RBMS3: variants seen among roughly 807,000 people sequenced by gnomAD.
RBMS3 encodes the protein RNA binding motif single stranded interacting protein 3, also known as RNA-binding motif, single-stranded-interacting protein 3.
A neutral mutation model predicts 66.8 loss-of-function variants in RBMS3; 27 were observed. The ratio of observed to expected loss-of-function variants is 0.40; its 90% CI spans 0.30 to 0.56. The LOEUF (loss-of-function observed/expected upper bound fraction) is 0.56, where lower values mean the gene tolerates loss of function less well. RBMS3 is among the 20% of genes least tolerant of loss of function. The pLI is 0.40. For missense variants in RBMS3, 513 were observed against 549.5 expected, an observed-to-expected ratio of 0.93 and a Z score of 0.66; for synonymous variants, 188 against 183.0, an observed-to-expected ratio of 1.03 and a Z score of -0.22.
chr3:29,751,220 T>G (rs138751918), intron 5 of RBMS3, among the ~76,000 whole-genome samples: 43 of 152,318 alleles, frequency 2.8e-4, no homozygotes, highest in African/African-American at 9.9e-4. Context: ...AAAATTCTTG[T>G]TCTAAGGAGA....
chr3:29,588,070 G>T (rs192660758), intron 4 of RBMS3, among the ~76,000 whole-genome samples: 281 of 151,752 alleles, frequency 1.9e-3, no homozygotes, highest in African/African-American at 6.6e-3. Context: ...CCTCATGAAG[G>T]GTACATAGGC....
chr3:29,883,631 C>A (rs2059787968), intron 7 of RBMS3, among the ~76,000 whole-genome samples: 1 of 151,962 alleles, frequency 6.6e-6, no homozygotes, highest in Admixed American at 6.6e-5. Context: ...CCCTTTCTAT[C>A]ACTCTTGTTA....
chr3:29,879,686 C>G (rs2149571439), intron 7 of RBMS3, among the ~76,000 whole-genome samples: 1 of 152,050 alleles, frequency 6.6e-6, no homozygotes, highest in South Asian at 2.1e-4. Flanking sequence ...GCTAAAATAT[C>G]AATGTTTTAT....
intron 3 of RBMS3, among the ~76,000 whole-genome samples, chr3:29,523,661 C>G (rs2044957984): frequency 6.6e-6 from 1 of 152,172 alleles, no homozygotes; most frequent in African/African-American, 2.4e-5. Flanking sequence ...TAAACAGCTA[C>G]TTTCTGTTGT....
chr3:29,711,418 A>G (rs910715880), intron 4 of RBMS3, among the ~76,000 whole-genome samples: 1 of 152,128 alleles, frequency 6.6e-6, no homozygotes, highest in Non-Finnish European at 1.5e-5. Flanking sequence ...GAGAGTTTCT[A>G]TGGTTTGACT....
Position 29,979,036 on chromosome 3 carries a change from G to A in RBMS3, c.1099-9107G>A, listed in dbSNP as rs138248661. Among the ~76,000 whole-genome samples the A allele has an allele frequency of 1.5e-3, 221 of 152,178 alleles. 1 individual carries two copies. Among genetic ancestry groups the A allele is most frequent in the African/African-American group, 5.1e-3 (210 of 41,518 alleles). On this transcript the variant is annotated intron_variant, in intron 12 of 14. Transcript: ENST00000383767. ...AGTCCCAGCTACTTGGGAGGGTGAG[G>A]CGGGAGGATCACTTGAGCCCAGGAG...
At chr3:29,784,647 C>G (rs533382394) in intron 6 of RBMS3, among the ~76,000 whole-genome samples, 62 of 152,088 alleles carry the variant, frequency 4.1e-4, no homozygotes, top group African/African-American at 1.3e-3. Context: ...AATAACGATT[C>G]AAACCCACGC....
At chr3:29,748,276 A>G (rs1311490695) in intron 5 of RBMS3, among the ~76,000 whole-genome samples, 1 of 152,170 alleles carries the variant, frequency 6.6e-6, no homozygotes, top group Non-Finnish European at 1.5e-5. Context: ...AGGAAACAAA[A>G]TTGTGAAACA....
intron 3 of RBMS3, among the ~76,000 whole-genome samples, chr3:29,510,838 A>G (rs1315892027): frequency 3.9e-5 from 6 of 152,184 alleles, no homozygotes; most frequent in Non-Finnish European, 8.8e-5. Flanking sequence ...AGCAGATGCT[A>G]TGCATTTCTC....
intron 3 of RBMS3, among the ~76,000 whole-genome samples, chr3:29,512,697 A>T (rs1355834018): frequency 6.6e-6 from 1 of 152,216 alleles, no homozygotes; most frequent in African/African-American, 2.4e-5. Flanking sequence ...GCGGTGGTAC[A>T]GCCATAATAC....
chr3:29,827,214 C>A (rs2058233231), intron 6 of RBMS3, among the ~76,000 whole-genome samples: 1 of 152,118 alleles, frequency 6.6e-6, no homozygotes, highest in Non-Finnish European at 1.5e-5. Flanking sequence ...ATTTCAGAAG[C>A]CCCTGTACTT....
At chr3:29,930,213 G>A (rs1371468191) in intron 10 of RBMS3, among the ~76,000 whole-genome samples, 1 of 146,816 alleles carries the variant, frequency 6.8e-6, no homozygotes, top group Non-Finnish European at 1.5e-5. Context: ...CCGGGTTCAC[G>A]CCATTCTCCT....
intron 6 of RBMS3, among the ~76,000 whole-genome samples, chr3:29,779,516 G>T (rs73045938): frequency 6.6e-6 from 1 of 151,258 alleles, no homozygotes; most frequent in Non-Finnish European, 1.5e-5. Flanking sequence ...AAGAGAAAGT[G>T]TCTTGCTATC....
intron 4 of RBMS3, among the ~76,000 whole-genome samples, chr3:29,608,326 A>G (rs975823356): frequency 1.3e-5 from 2 of 152,112 alleles, no homozygotes; most frequent in African/African-American, 4.8e-5. Context: ...AATCTTTCCA[A>G]TTAAATAATT....
rs3043400 is a variant in RBMS3, at chr3:29,547,807, ATTTTTTT to A, written c.308-39289_308-39283del. On this transcript the variant is annotated intron_variant, in intron 3 of 14. Transcript: ENST00000383767. ...GATTGATAAGCTTGTTTGTGGATTG[ATTTTTTT>A]TTTTTTTTTTTTTTTTTGACAGAGT... Among the ~76,000 whole-genome samples, 32 of 93,298 alleles carry A rather than the reference ATTTTTTT, an allele frequency of 3.4e-4. 1 individual carries two copies. The highest frequency in any genetic ancestry group is 1.0e-3 in the African/African-American group (25 of 23,934). The allele number at this position is 93,298 out of a possible 152,430, so 61.2% of individuals were successfully genotyped here.
chr3:29,308,175 A>G (rs2034132204), intron 1 of RBMS3, among the ~76,000 whole-genome samples: 1 of 151,906 alleles, frequency 6.6e-6, no homozygotes, highest in Non-Finnish European at 1.5e-5. Context: ...GAATACTTAG[A>G]CAAATAAATG....
At chr3:29,302,838 T>C (rs927634233) in intron 1 of RBMS3, among the ~76,000 whole-genome samples, 2 of 152,030 alleles carry the variant, frequency 1.3e-5, no homozygotes, top group African/African-American at 2.4e-5. Flanking sequence ...GCCTGTCTAT[T>C]TCTTTATCTC....
intron 10 of RBMS3, among the ~76,000 whole-genome samples, chr3:29,922,489 G>A (rs1323737253): frequency 1.9e-5 from 1 of 53,544 alleles, no homozygotes; most frequent in African/African-American, 6.3e-5. Flanking sequence ...GCGAGACTCC[G>A]TCTCAAAAAA....
At chr3:29,698,673 TA>T in intron 4 of RBMS3, 1 of 946,090 alleles carries the variant, frequency 1.1e-6, no homozygotes, top group South Asian at 4.9e-5. Flanking sequence ...TTGCTTTTTT[TA>T]AAGTATTGAA....
Sources: allele counts gnomAD v4.1 joint callset (sites outside exome capture counted in the v4.1 genomes callset), GRCh38; gene constraint gnomAD v4.1.1; transcripts MANE v1.5; gene names NCBI Gene and HGNC (gene_info 2026-07-23, HGNC 2026-07-21).